The following DIS3L2 variants were observed in gnomAD, a reference collection of about 807,000 sequenced individuals.
DIS3L2 encodes the protein DIS3 like 3'-5' exoribonuclease 2.
Under a neutral mutation model 97.5 loss-of-function variants are expected in DIS3L2, and 34 were observed. The ratio of observed to expected loss-of-function variants is 0.35; its 90% CI spans 0.27 to 0.46. The LOEUF (loss-of-function observed/expected upper bound fraction) is 0.46, where lower values mean the gene tolerates loss of function less well. DIS3L2 is among the 20% of genes least tolerant of loss of function. DIS3L2 has a pLI of 1.00. For missense variants in DIS3L2, 1,038 were observed against 1,146.0 expected (o/e 0.91, Z 1.36); for synonymous variants, 435 against 445.2 (o/e 0.98, Z 0.29).
chr2:232,244,540 G>A (rs181365762), intron 11 of DIS3L2, among the ~76,000 whole-genome samples: 394 of 152,284 alleles, frequency 2.6e-3, no homozygotes, highest in Non-Finnish European at 4.0e-3. Context: ...CATTGTAGAC[G>A]TATGTGGAGT....
chr2:232,196,232 C>T (rs1002892031), intron 9 of DIS3L2, among the ~76,000 whole-genome samples: 5 of 152,168 alleles, frequency 3.3e-5, no homozygotes, highest in Non-Finnish European at 7.3e-5. Flanking sequence ...CCTCCAAGCA[C>T]TGGGATTACA....
chr2:232,072,566 A>G (rs1696051955), intron 5 of DIS3L2, among the ~76,000 whole-genome samples: 1 of 152,114 alleles, frequency 6.6e-6, no homozygotes, highest in Non-Finnish European at 1.5e-5. Context: ...TTGAAGTGGT[A>G]AGGCTTAGAG....
rs768976649 is a variant in DIS3L2, at chr2:232,336,835, GC to G, written c.*206del. On this transcript the variant is annotated 3_prime_UTR_variant, in exon 21 of 21. Transcript: ENST00000325385. Reference sequence around the variant, plus strand: ...TGGAAGGAAGGCTGAGGCCTGGTCAGCAGTGACCCCAGCAGAGCAGGCCCCA... The same window carrying G: ...TGGAAGGAAGGCTGAGGCCTGGTCAGAGTGACCCCAGCAGAGCAGGCCCCA... 2.8e-6 allele frequency: 4 copies of G among 1,403,914 alleles called. No individual in the cohort carries two copies. Among genetic ancestry groups the G allele is most frequent in the Non-Finnish European group, 3.7e-6 (4 of 1,082,932 alleles). The allele number at this position is 1,403,914 out of a possible 1,614,324, so 87.0% of individuals were successfully genotyped here. A position where few individuals can be genotyped will look rare whatever the true frequency, so the allele number is the denominator to read the frequency against.
At chr2:232,006,451 G>C (rs1694056116) in intron 1 of DIS3L2, among the ~76,000 whole-genome samples, 1 of 152,164 alleles carries the variant, frequency 6.6e-6, no homozygotes, top group African/African-American at 2.4e-5. Context: ...AAAGAGATTA[G>C]ATGTCTACTG....
rs1694132068 is a variant in DIS3L2, at chr2:232,276,060, G to A, written c.1659+12620G>A. 6.6e-6 allele frequency among the ~76,000 whole-genome samples: 1 copy of A among 152,226 alleles called. No individual in the cohort carries two copies. The highest frequency in any genetic ancestry group is 2.4e-5 in the African/African-American group (1 of 41,450). ...GCTCCTTGAATCGTGACCTCCTGGG[G>A]TAAAGGAAATCTGCCAGAGTAGATG... is the stretch of plus-strand genomic sequence containing the variant. On this transcript the variant is annotated intron_variant, in intron 13 of 20. Transcript: ENST00000325385. This position sits in a 1 kb window ranked among gnomAD's most constrained non-coding sequence, Gnocchi z 4.4.
At chr2:232,344,005 C>T (rs1696168775) in exon 14 of DIS3L2, 1 of 162,168 alleles carries the variant, frequency 6.2e-6, no homozygotes, top group Admixed American at 6.1e-5. Context: ...CAAGGGTAAT[C>T]CTGGAAATGC....
chr2:232,173,826 G>C (rs1472580803), intron 9 of DIS3L2, among the ~76,000 whole-genome samples: 1 of 152,188 alleles, frequency 6.6e-6, no homozygotes, highest in Non-Finnish European at 1.5e-5. Flanking sequence ...GTACCACACT[G>C]TCTAAATTAT....
At chr2:232,300,890 G>A (rs1362153865) in intron 14 of DIS3L2, among the ~76,000 whole-genome samples, 2 of 152,102 alleles carry the variant, frequency 1.3e-5, no homozygotes, top group African/African-American at 4.8e-5. Flanking sequence ...CTGAGCTCAA[G>A]CGATTCTCCC....
chr2:232,137,167 A>G (rs1327402024), intron 8 of DIS3L2, among the ~76,000 whole-genome samples: 2 of 152,164 alleles, frequency 1.3e-5, no homozygotes, highest in Non-Finnish European at 2.9e-5. Context: ...CTTTTTCGGT[A>G]TTGATTTTGC....
At chr2:232,072,420 C>T (rs748672562) in intron 5 of DIS3L2, among the ~76,000 whole-genome samples, 3 of 152,036 alleles carry the variant, frequency 2.0e-5, no homozygotes, top group African/African-American at 4.8e-5. Context: ...AATGGCAGTG[C>T]GTTCCTAGTG....
At chr2:232,270,869 T>TCC (rs201690860) in intron 13 of DIS3L2, among the ~76,000 whole-genome samples, 593 of 44,834 alleles carry the variant, frequency 0.013, 9 homozygotes, top group Admixed American at 0.076. Flanking sequence ...CGTCTCTCTC[T>TCC]CTCTCTCTCT....
chr2:232,343,307 C>T lies in DIS3L2; in HGVS notation c.1582-38C>T, dbSNP rs781579002. Reference sequence around the variant, plus strand: ...TTGCAAAGGCCTAGCCACATGAAACCGCGCCTCCTCATCCAGGAGACACGG... The same window carrying T: ...TTGCAAAGGCCTAGCCACATGAAACTGCGCCTCCTCATCCAGGAGACACGG... On this transcript the variant is annotated intron_variant, in intron 13 of 13. Transcript: ENST00000273009. 3.1e-5 allele frequency: 47 copies of T among 1,529,400 alleles called. No homozygotes were observed. The South Asian group carries it at 3.3e-4, about 11-fold the overall frequency. 94.7% of individuals were successfully genotyped at this position (1,529,400 alleles called of 1,614,324 possible).
chr2:232,068,089 G>T (rs961867459), intron 5 of DIS3L2, among the ~76,000 whole-genome samples: 3 of 152,168 alleles, frequency 2.0e-5, no homozygotes, highest in Non-Finnish European at 4.4e-5. Context: ...TTTTGCAAAA[G>T]AAGTGAATCA....
chr2:232,302,359 A>G lies in DIS3L2; in HGVS notation c.1739+2240A>G, dbSNP rs964035518. On this transcript the variant is annotated intron_variant, in intron 14 of 20. Coordinates refer to ENST00000325385, the MANE Select transcript of DIS3L2 (RefSeq NM_152383.5). ...TATGTAACAAACCTGCATGTTGTGC[A>G]CATGTACCCTAGAACTTAAAGTATA... Among the ~76,000 whole-genome samples the G allele has an allele frequency of 2.0e-5, 3 of 151,970 alleles. No individual in the cohort carries two copies. In the South Asian group the frequency reaches 6.2e-4, roughly 32 times the overall value.
At chr2:232,306,334 G>T (rs1274951926) in intron 14 of DIS3L2, among the ~76,000 whole-genome samples, 1 of 152,064 alleles carries the variant, frequency 6.6e-6, no homozygotes, top group Non-Finnish European at 1.5e-5. Flanking sequence ...CCATGACCAG[G>T]TCTTCAGTTC....
At chr2:232,207,289 T>C (rs935145077) in intron 9 of DIS3L2, among the ~76,000 whole-genome samples, 1 of 152,200 alleles carries the variant, frequency 6.6e-6, no homozygotes, top group African/African-American at 2.4e-5. Context: ...ACTTCCTTCT[T>C]TACCTTGTGA....
At chr2:232,256,695 G>A (rs1366307397) in intron 12 of DIS3L2, among the ~76,000 whole-genome samples, 1 of 152,132 alleles carries the variant, frequency 6.6e-6, no homozygotes, top group Non-Finnish European at 1.5e-5. Context: ...CAACTGCTGA[G>A]GTCCCCCTTT....
At chr2:232,341,241 C>T (rs538805666), downstream of DIS3L2, among the ~76,000 whole-genome samples, 3 of 152,288 alleles carry the variant, frequency 2.0e-5, no homozygotes, top group East Asian at 1.9e-4. Flanking sequence ...GTGGGGCAAG[C>T]GCTCGGGACA....
chr2:232,315,802 G>A (rs1277550641), intron 14 of DIS3L2, among the ~76,000 whole-genome samples: 2 of 152,198 alleles, frequency 1.3e-5, no homozygotes, highest in African/African-American at 4.8e-5. Context: ...TAAGCAAGAG[G>A]AAGTGGCCAA....
Sources: gnomAD v4.1 joint callset for allele counts (sites outside exome capture counted in the v4.1 genomes callset) on GRCh38, gnomAD v4.1.1 for gene constraint, Gnocchi (gnomAD v3.1) non-coding constraint, MANE v1.5 for transcripts, NCBI Gene and HGNC (gene_info 2026-07-23, HGNC 2026-07-21) for gene names.